The following XKR6 variants were observed in gnomAD, a reference collection of about 807,000 sequenced individuals.
The protein encoded by XKR6 is XK related 6, also known as XK-related protein 6.
XKR6 carries 22 observed loss-of-function variants against 56.7 expected under a neutral mutation model. The observed-to-expected ratio is 0.39, with a 90% CI of 0.28 to 0.55. The LOEUF (loss-of-function observed/expected upper bound fraction) is 0.55. Among genes scored for constraint, XKR6 ranks in the 20% least tolerant of loss-of-function variants. The pLI is 0.66. For synonymous variants in XKR6, 524 were observed against 387.8 expected (o/e 1.35, Z -4.13); for missense variants, 852 against 889.0 (o/e 0.96, Z 0.53).
chr8:11,093,328 T>C (rs913345193), intron 1 of XKR6, among the ~76,000 whole-genome samples: 3 of 152,210 alleles, frequency 2.0e-5, no homozygotes, highest in East Asian at 3.9e-4. Flanking sequence ...GTGCTGAGAT[T>C]TCAGGAGTGA....
intron 1 of XKR6, among the ~76,000 whole-genome samples, chr8:11,008,092 G>A (rs1384189777): frequency 6.6e-6 from 1 of 152,166 alleles, no homozygotes; most frequent in Non-Finnish European, 1.5e-5. Flanking sequence ...CCTCACCTGT[G>A]CACCTGGGGG....
chr8:11,161,086 AG>A (rs1801781837), intron 1 of XKR6, among the ~76,000 whole-genome samples: 1 of 152,202 alleles, frequency 6.6e-6, no homozygotes, highest in African/African-American at 2.4e-5. Flanking sequence ...CAAAGTTAAG[AG>A]GACTTGTTAA....
chr8:11,046,091 C>A (rs1020548611), intron 1 of XKR6, among the ~76,000 whole-genome samples: 1 of 151,820 alleles, frequency 6.6e-6, no homozygotes, highest in Non-Finnish European at 1.5e-5. Context: ...GGGTATATAC[C>A]CAAAAGAATT....
intron 1 of XKR6, among the ~76,000 whole-genome samples, chr8:11,013,218 T>C (rs564049401): frequency 7.9e-5 from 12 of 152,320 alleles, no homozygotes; most frequent in Non-Finnish European, 1.5e-4. Flanking sequence ...AAGGGCACCA[T>C]GGCTTGGACA....
chr8:11,123,843 G>A (rs1375992687), intron 1 of XKR6: 1 of 456,250 alleles, frequency 2.2e-6, no homozygotes. Flanking sequence ...GGCAGTTCCA[G>A]TGTCCCGTGG....
chr8:11,168,772 C>T (rs1032819424), intron 1 of XKR6, among the ~76,000 whole-genome samples: 2 of 152,154 alleles, frequency 1.3e-5, no homozygotes, highest in African/African-American at 4.8e-5. Flanking sequence ...AATCAGGCTG[C>T]AGGCACAGAT....
At chr8:11,080,388 A>T (rs1797676126) in intron 1 of XKR6, among the ~76,000 whole-genome samples, 1 of 152,230 alleles carries the variant, frequency 6.6e-6, no homozygotes, top group Non-Finnish European at 1.5e-5. Flanking sequence ...AGAAAAAAAA[A>T]AGAGATCAGT....
intron 1 of XKR6, chr8:11,035,241 T>C (rs1563359201): frequency 1.9e-6 from 1 of 534,726 alleles, no homozygotes; most frequent in Non-Finnish European, 3.8e-6. Flanking sequence ...AACGATGACG[T>C]AGCACCCCAT....
intron 1 of XKR6, among the ~76,000 whole-genome samples, chr8:11,198,232 G>T (rs566077378): frequency 6.6e-6 from 1 of 152,114 alleles, no homozygotes; most frequent in African/African-American, 2.4e-5. Flanking sequence ...CAAACAACAT[G>T]GCTAGCAGGT....
intron 1 of XKR6, among the ~76,000 whole-genome samples, chr8:11,100,689 A>G (rs1311435292): frequency 1.3e-5 from 2 of 152,154 alleles, no homozygotes; most frequent in Non-Finnish European, 2.9e-5. Context: ...TATGATTCTC[A>G]TCTTCTCAGA....
intron 1 of XKR6, among the ~76,000 whole-genome samples, chr8:11,035,939 C>CTTT (rs58989028): frequency 2.2e-3 from 227 of 101,604 alleles, no homozygotes; most frequent in Middle Eastern, 6.3e-3. Context: ...CTGTGAAAGT[C>CTTT]TTTTTTTTTT....
chr8:11,056,980 A>T (rs989523337), intron 1 of XKR6, among the ~76,000 whole-genome samples: 1 of 152,164 alleles, frequency 6.6e-6, no homozygotes, highest in Non-Finnish European at 1.5e-5. Flanking sequence ...GTTGGTGCCC[A>T]CCAGCCCACG....
At chr8:11,150,461 C>G (rs1262220321) in intron 1 of XKR6, among the ~76,000 whole-genome samples, 2 of 152,146 alleles carry the variant, frequency 1.3e-5, no homozygotes, top group Admixed American at 1.3e-4. Context: ...AAGTCCCCTT[C>G]CCCCCGGGGT....
intron 1 of XKR6, among the ~76,000 whole-genome samples, chr8:11,014,143 G>A (rs977526360): frequency 3.3e-5 from 5 of 152,130 alleles, no homozygotes; most frequent in East Asian, 1.9e-4. Flanking sequence ...CTCTGGTACC[G>A]GGTCAGCATT....
At chr8:11,063,816 A>G (rs539757686) in intron 1 of XKR6, among the ~76,000 whole-genome samples, 8 of 151,834 alleles carry the variant, frequency 5.3e-5, no homozygotes, top group Non-Finnish European at 1.0e-4. Flanking sequence ...GGCCACAGAT[A>G]CTCTCCATTT....
chr8:11,158,685 A>T (rs550404445), intron 1 of XKR6, among the ~76,000 whole-genome samples: 1 of 152,338 alleles, frequency 6.6e-6, no homozygotes, highest in South Asian at 2.1e-4. Flanking sequence ...AATTCTATTT[A>T]TACAATCGTA....
At chr8:11,060,275 G>C (rs575985567) in intron 1 of XKR6, among the ~76,000 whole-genome samples, 2 of 152,164 alleles carry the variant, frequency 1.3e-5, no homozygotes, top group Non-Finnish European at 2.9e-5. Context: ...GTGGGGAGGA[G>C]ACAGCCAGCA....
At position 11,201,688 on chromosome 8, in the gene XKR6, G is replaced by A. The variant is rs1804255416; in HGVS notation, c.-349C>T. On this transcript the variant is annotated 5_prime_UTR_variant, in exon 1 of 3. Coordinates refer to ENST00000416569, the MANE Select transcript of XKR6 (RefSeq NM_173683.4). ...CTTCCGTTGACCCCGAAACCCATCAGGTTGACCCCTCGGCGTTTCAGAATC... is the reference window on the plus strand; with the variant it reads ...CTTCCGTTGACCCCGAAACCCATCAAGTTGACCCCTCGGCGTTTCAGAATC... Among the ~76,000 whole-genome samples the A allele has an allele frequency of 6.6e-6, 1 of 152,350 alleles. No individual in the cohort carries two copies. Among genetic ancestry groups the A allele is most frequent in the Middle Eastern group, 3.4e-3 (1 of 294 alleles).
chr8:11,089,564 G>A (rs1286798769), intron 1 of XKR6, among the ~76,000 whole-genome samples: 1 of 152,108 alleles, frequency 6.6e-6, no homozygotes, highest in East Asian at 1.9e-4. Context: ...TTAAATCTAG[G>A]AGCTCGAGGC....
Sources: gnomAD v4.1 joint callset for allele counts (sites outside exome capture counted in the v4.1 genomes callset) on GRCh38, gnomAD v4.1.1 for gene constraint, MANE v1.5 for transcripts, NCBI Gene and HGNC (gene_info 2026-07-23, HGNC 2026-07-21) for gene names.